The following MARCHF8 variants were observed in gnomAD, a reference collection of about 807,000 sequenced individuals.
The protein encoded by MARCHF8 is membrane associated ring-CH-type finger 8.
MARCHF8 carries 40 observed loss-of-function variants against 51.6 expected under a neutral mutation model. That is an observed-to-expected ratio of 0.77 (90% CI 0.60 to 1.01). MARCHF8 has a LOEUF of 1.01. Ranked by LOEUF, MARCHF8 falls within the 50% of genes least tolerant of loss-of-function variation. The pLI is 0.00. For synonymous variants in MARCHF8, 263 were observed against 280.3 expected, an observed-to-expected ratio of 0.94 and a Z score of 0.62; for missense variants, 685 against 708.6, an observed-to-expected ratio of 0.97 and a Z score of 0.38.
chr10:45,587,813 C>T (rs1480676945), intron 1 of MARCHF8, among the ~76,000 whole-genome samples: 1 of 152,066 alleles, frequency 6.6e-6, no homozygotes, highest in African/African-American at 2.4e-5. Flanking sequence ...GCCAAGAGAA[C>T]TCAATGGGCA....
At chr10:45,460,214 C>T (rs1842744583) in intron 6 of MARCHF8, among the ~76,000 whole-genome samples, 1 of 152,144 alleles carries the variant, frequency 6.6e-6, no homozygotes, top group African/African-American at 2.4e-5. Flanking sequence ...GTGCCCCATG[C>T]TCCCTGCTAC....
chr10:45,459,082 G>A lies in MARCHF8; in HGVS notation c.1417+38C>T, dbSNP rs368207060. 70 of 1,612,188 alleles carry A rather than the reference G, an allele frequency of 4.3e-5. No homozygotes were observed. The Middle Eastern group carries it at 1.3e-3, about 30-fold the overall frequency. On this transcript the variant is annotated intron_variant, in intron 7 of 7. Transcript: ENST00000453424. ...CCCCAGGACTCCTGTGAGCTATCCC[G>A]GCCCCCATGCTGAGCTTGCTCCAGC...
At chr10:45,550,623 A>G (rs2044184150) in intron 1 of MARCHF8, among the ~76,000 whole-genome samples, 1 of 152,004 alleles carries the variant, frequency 6.6e-6, no homozygotes, top group African/African-American at 2.4e-5. Context: ...TTACCCCCTG[A>G]CCATCCGAGA....
intron 2 of MARCHF8, among the ~76,000 whole-genome samples, chr10:45,490,917 G>T (rs1410643775): frequency 6.6e-6 from 1 of 152,068 alleles, no homozygotes; most frequent in Non-Finnish European, 1.5e-5. Flanking sequence ...ACTTTTTGTG[G>T]AGACAGGGAT....
chr10:45,489,506 A>G, intron 2 of MARCHF8, 89 bp from the exon 3 acceptor site: 1 of 1,181,700 alleles, frequency 8.5e-7, no homozygotes, highest in Non-Finnish European at 1.2e-6. Context: ...CCTACTGACA[A>G]ATCATTCCCT....
chr10:45,487,756 A>G (rs2043008502), intron 3 of MARCHF8, among the ~76,000 whole-genome samples: 1 of 152,214 alleles, frequency 6.6e-6, no homozygotes, highest in African/African-American at 2.4e-5. Flanking sequence ...GGTTTGCCAG[A>G]GTTTACTTTT....
intron 3 of MARCHF8, among the ~76,000 whole-genome samples, chr10:45,468,731 T>G (rs991202484): frequency 2.0e-5 from 3 of 152,162 alleles, no homozygotes; most frequent in African/African-American, 4.8e-5. Flanking sequence ...CAGATGGCTC[T>G]CAAAACATGA....
chr10:45,512,114 G>C (rs984746047), intron 2 of MARCHF8, among the ~76,000 whole-genome samples: 1 of 150,000 alleles, frequency 6.7e-6, no homozygotes, highest in African/African-American at 2.5e-5. Context: ...CGTCTGGGAT[G>C]TGAGAGCGCC....
chr10:45,565,257 C>A (rs758020296), intron 1 of MARCHF8, among the ~76,000 whole-genome samples: 1 of 151,860 alleles, frequency 6.6e-6, no homozygotes, highest in Non-Finnish European at 1.5e-5. Context: ...ATGGTGAAAT[C>A]CCAACTCTAC....
chr10:45,539,572 G>A (rs1282960682), upstream of MARCHF8, among the ~76,000 whole-genome samples: 2 of 152,136 alleles, frequency 1.3e-5, no homozygotes, highest in African/African-American at 4.8e-5. Context: ...TAGACCGCTA[G>A]CAAGACTAAT....
chr10:45,511,552 C>T (rs1344939720), intron 2 of MARCHF8, among the ~76,000 whole-genome samples: 8 of 152,318 alleles, frequency 5.3e-5, no homozygotes, highest in Middle Eastern at 6.8e-3. Context: ...CGATTACAGG[C>T]GCGCGCCGCC....
rs747628391 is a variant in MARCHF8, at chr10:45,463,302, A to T, written c.937T>A (p.Phe313Ile). The change falls in exon 5 of 8, where the codon TTT (phenylalanine) becomes ATT (isoleucine). Residue 313 changes from phenylalanine (F) to isoleucine (I), a missense_variant. Transcript: ENST00000453424. ...CSDEMGDDDV[F>I]EDSTSAKLKS... ...AGTTTTGCAGATGTGCTGTCCTCAA[A>T]GACATCGTCGTCTCCCATCTCGTCA... is the stretch of plus-strand genomic sequence containing the variant. 1.7e-4 allele frequency: 268 copies of T among 1,550,904 alleles called. No homozygotes were observed. Among genetic ancestry groups the T allele is most frequent in the Non-Finnish European group, 2.1e-4 (239 of 1,147,100 alleles).
chr10:45,550,604 CTACTCACCT>C (rs2133336648), intron 1 of MARCHF8, among the ~76,000 whole-genome samples: 1 of 152,324 alleles, frequency 6.6e-6, no homozygotes, highest in East Asian at 1.9e-4. Flanking sequence ...ATTTGCCTCA[CTACTCACCT>C]TACCCCCTGA....
chr10:45,531,368 C>T (rs988584196), intron 2 of MARCHF8, among the ~76,000 whole-genome samples: 4 of 151,418 alleles, frequency 2.6e-5, no homozygotes, highest in Admixed American at 2.0e-4. Flanking sequence ...GTCCTTTAGA[C>T]AAAAGAAAAA....
At chr10:45,510,316 G>A (rs1336208011) in intron 2 of MARCHF8, among the ~76,000 whole-genome samples, 2 of 152,080 alleles carry the variant, frequency 1.3e-5, no homozygotes, top group South Asian at 2.1e-4. Flanking sequence ...TCTTATGGCA[G>A]CCCAAGCAGA....
At chr10:45,503,576 AAAC>A (rs2043323357) in intron 2 of MARCHF8, among the ~76,000 whole-genome samples, 1 of 133,486 alleles carries the variant, frequency 7.5e-6, no homozygotes, top group Non-Finnish European at 1.6e-5. Flanking sequence ...AATAAAATAA[AAAC>A]TAAAAATAAA....
Position 45,512,672 on chromosome 10 carries a change from T to C in MARCHF8, c.102+20438A>G, listed in dbSNP as rs2043547601. Reference sequence around the variant, plus strand: ...AGGGGCGCCTCTGCCCGGCCGTCCCTACTGGGATGTGAGGAGCCCCTCTGC... The same window carrying C: ...AGGGGCGCCTCTGCCCGGCCGTCCCCACTGGGATGTGAGGAGCCCCTCTGC... On this transcript the variant is annotated intron_variant, in intron 2 of 7. Coordinates refer to ENST00000453424, the MANE Select transcript of MARCHF8 (RefSeq NM_001282866.2). Among the ~76,000 whole-genome samples the C allele has an allele frequency of 2.0e-5, 3 of 149,762 alleles. No individual in the cohort carries two copies. In the South Asian group the frequency reaches 6.4e-4, roughly 32 times the overall value.
chr10:45,523,016 A>G (rs555784414), intron 2 of MARCHF8, among the ~76,000 whole-genome samples: 111 of 152,348 alleles, frequency 7.3e-4, no homozygotes, highest in African/African-American at 2.4e-3. Flanking sequence ...GAATGAAAAA[A>G]TATGTGTGTG....
chr10:45,567,939 G>C (rs2133382385), intron 1 of MARCHF8, among the ~76,000 whole-genome samples: 1 of 152,006 alleles, frequency 6.6e-6, no homozygotes, highest in East Asian at 1.9e-4. Flanking sequence ...TCCATTTTTT[G>C]GTGTCCTCTT....
Sources: allele counts gnomAD v4.1 joint callset (sites outside exome capture counted in the v4.1 genomes callset), GRCh38; gene constraint gnomAD v4.1.1; transcripts MANE v1.5; gene names NCBI Gene and HGNC (gene_info 2026-07-23, HGNC 2026-07-21).